MLXIP: variants seen among roughly 807,000 people sequenced by gnomAD.
MLXIP encodes the protein MLX interacting protein, also known as MLX-interacting protein.
Under a neutral mutation model 87.2 loss-of-function variants are expected in MLXIP, and 30 were observed. The ratio of observed to expected loss-of-function variants is 0.34; its 90% confidence interval spans 0.26 to 0.47. MLXIP has a LOEUF of 0.47. Among genes scored for constraint, MLXIP ranks in the 20% least tolerant of loss-of-function variants. The probability of loss-of-function intolerance (pLI) is 1.00; values close to 1 mark genes in which losing one functional copy is unlikely to be tolerated. For missense variants in MLXIP, 1,002 were observed against 1,240.1 expected, an observed-to-expected ratio of 0.81 and a Z score of 2.88; for synonymous variants, 530 against 514.0, an observed-to-expected ratio of 1.03 and a Z score of -0.42.
At chr12:122,110,661 C>T (rs891899885) in intron 1 of MLXIP, among the ~76,000 whole-genome samples, 2 of 151,716 alleles carry the variant, frequency 1.3e-5, no homozygotes, top group Non-Finnish European at 2.9e-5. Flanking sequence ...GTCCCAAATT[C>T]TTGGGAGGCT....
intron 1 of MLXIP, among the ~76,000 whole-genome samples, chr12:122,104,521 G>GTA (rs1952489924): frequency 6.7e-6 from 1 of 148,266 alleles, no homozygotes; most frequent in South Asian, 2.1e-4. Context: ...GTTGGTAGAT[G>GTA]TATTTGATTT....
chr12:122,090,710 T>C (rs1449273543), intron 1 of MLXIP, among the ~76,000 whole-genome samples: 1 of 152,190 alleles, frequency 6.6e-6, no homozygotes, highest in Non-Finnish European at 1.5e-5. Flanking sequence ...GGCTTTATCA[T>C]GAGCAAGTAA....
At chr12:122,093,503 CTG>C (rs1395899960) in intron 1 of MLXIP, among the ~76,000 whole-genome samples, 35 of 100,580 alleles carry the variant, frequency 3.5e-4, no homozygotes, top group African/African-American at 4.8e-4. Flanking sequence ...TGTGCGGTGT[CTG>C]TGTTGGTGTG....
chr12:122,134,155 C>A, intron 9 of MLXIP, 168 bp downstream of exon 9: 2 of 841,112 alleles, frequency 2.4e-6, no homozygotes. Flanking sequence ...TAATACATGG[C>A]CATGATCTAG....
chr12:122,135,114 TC>T lies in MLXIP; in HGVS notation c.1733-106del. 5.0e-6 allele frequency: 7 copies of T among 1,386,568 alleles called. No individual in the cohort carries two copies. The highest frequency in any genetic ancestry group is 7.0e-6 in the Non-Finnish European group (7 of 1,000,504). The allele number at this position is 1,386,568 out of a possible 1,614,324, so 85.9% of individuals were successfully genotyped here. ...GTGCCTTGGTGGCTTTGTCTTCCTG[TC>T]CCCTGGGGTTGAGAACAAGCTGTCT... On this transcript the variant is annotated intron_variant, in intron 9 of 16. Coordinates refer to ENST00000319080, the MANE Select transcript of MLXIP (RefSeq NM_014938.6). This position sits in a 1 kb window ranked among gnomAD's most constrained non-coding sequence, Gnocchi z 5.3.
At chr12:122,093,355 GGT>G (rs1164810464) in intron 1 of MLXIP, among the ~76,000 whole-genome samples, 3 of 140,466 alleles carry the variant, frequency 2.1e-5, no homozygotes, top group East Asian at 2.3e-4. Flanking sequence ...TGTGTGTGTT[GGT>G]GTGTGGTGTG....
chr12:122,142,276 C>T lies in MLXIP; in HGVS notation c.*464C>T, dbSNP rs541934121. The T allele has an allele frequency of 3.5e-4, 242 of 692,446 alleles. No homozygotes were observed. The highest frequency in any genetic ancestry group is 5.0e-4 in the Non-Finnish European group (190 of 378,868). 42.9% of individuals were successfully genotyped at this position (692,446 alleles called of 1,614,324 possible). On this transcript the variant is annotated 3_prime_UTR_variant, in exon 17 of 17. Coordinates refer to ENST00000319080, the MANE Select transcript of MLXIP (RefSeq NM_014938.6). ...GCCCTGCTCCACTCTCTGGTCTGCC[C>T]GTGGGGCAGTTGGAAGGCGTCTTTC...
At chr12:122,122,864 T>TC (rs1405435775) in intron 1 of MLXIP, among the ~76,000 whole-genome samples, 1 of 150,922 alleles carries the variant, frequency 6.6e-6, no homozygotes, top group Non-Finnish European at 1.5e-5. Context: ...CTTTTTCTTT[T>TC]TTTTTTTTTA....
intron 4 of MLXIP, 95 bp from the exon 5 acceptor site, chr12:122,129,493 C>A (rs764698100): frequency 9.1e-6 from 13 of 1,425,364 alleles, no homozygotes; most frequent in Non-Finnish European, 1.3e-5. Flanking sequence ...TGAGCAGGAC[C>A]CCTACCTGCC....
chr12:122,089,009 C>CAAAAA (rs1177216284), intron 1 of MLXIP, among the ~76,000 whole-genome samples: 3 of 47,826 alleles, frequency 6.3e-5, no homozygotes, highest in Non-Finnish European at 1.0e-4. Flanking sequence ...CCCATCTCTA[C>CAAAAA]AAAAAAAAAA....
At chr12:122,107,335 G>A (rs557540288) in intron 1 of MLXIP, among the ~76,000 whole-genome samples, 1 of 152,146 alleles carries the variant, frequency 6.6e-6, no homozygotes, top group East Asian at 1.9e-4. Context: ...TTTCCTGGAT[G>A]TACCTAATCT....
intron 3 of MLXIP, 116 bp downstream of exon 3, chr12:122,128,084 C>A: frequency 1.1e-6 from 1 of 889,828 alleles, no homozygotes; most frequent in Non-Finnish European, 1.8e-6. Flanking sequence ...GCAGCGCCTG[C>A]CCTGCGCCAT....
intron 7 of MLXIP, among the ~76,000 whole-genome samples, chr12:122,131,986 C>T (rs928958285): frequency 3.8e-5 from 5 of 131,000 alleles, no homozygotes; most frequent in Non-Finnish European, 6.1e-5. Flanking sequence ...TGCAGTGGTG[C>T]GATCTTAGCT....
chr12:122,097,852 T>C (rs373281699), intron 1 of MLXIP, among the ~76,000 whole-genome samples: 75,712 of 150,650 alleles, frequency 0.5, 19,502 homozygotes, highest in Middle Eastern at 0.64. Flanking sequence ...GGGTTCCCCC[T>C]CCCCACAAGA....
chr12:122,079,727 G>T (rs1038931032), intron 1 of MLXIP, among the ~76,000 whole-genome samples: 5 of 152,232 alleles, frequency 3.3e-5, no homozygotes, highest in African/African-American at 4.8e-5. Context: ...CTTTATAAAA[G>T]GGGAATGACT....
intron 1 of MLXIP, among the ~76,000 whole-genome samples, chr12:122,101,785 TAGTC>T (rs1359853345): frequency 4.6e-5 from 7 of 152,080 alleles, no homozygotes; most frequent in African/African-American, 1.7e-4. Flanking sequence ...TTCACCATGT[TAGTC>T]AGGCTGGTCT....
chr12:122,137,469 G>A lies in MLXIP; in HGVS notation c.2033G>A (p.Ser678Asn), dbSNP rs1454603557. The A allele has an allele frequency of 3.1e-6, 5 of 1,613,454 alleles. No individual in the cohort carries two copies. The East Asian group carries it at 8.9e-5, about 29-fold the overall frequency. ...CCTCAGAGGAGTCTGTTCTTACCAG[G>A]TCGGGACTGCCCAAACTCAGGGCAG... ...GSPQVTVTGP[S>N]RDCPNSGQAS... is the part of the protein sequence containing the mutation. The change falls in exon 12 of 17, where the codon AGT (serine) becomes AAT (asparagine). Residue 678 changes from serine (S) to asparagine (N), a missense_variant and splice_region_variant. Physicochemically the swap from Ser to Asn is conservative, Grantham distance 46. Coordinates refer to ENST00000319080, the MANE Select transcript of MLXIP (RefSeq NM_014938.6). The surrounding 1 kb of genome is among the most constrained non-coding windows in gnomAD (Gnocchi z 4.1).
At chr12:122,082,716 G>A (rs774135866) in intron 1 of MLXIP, among the ~76,000 whole-genome samples, 3 of 152,190 alleles carry the variant, frequency 2.0e-5, no homozygotes, top group South Asian at 4.1e-4. Context: ...TGATTTGGCC[G>A]GGTGCTTTCT....
chr12:122,146,735 G>A lies in MLXIP; in HGVS notation c.*4923G>A, dbSNP rs1302624138. On this transcript the variant is annotated 3_prime_UTR_variant, in exon 17 of 17. Coordinates refer to ENST00000319080, the MANE Select transcript of MLXIP (RefSeq NM_014938.6). ...TTTACCTCCATGCCCCAGTCACACT[G>A]TTGGTTCTGCGCTCTGAACCTGGGT... is the stretch of plus-strand genomic sequence containing the variant. 2 of 151,482 alleles carry A rather than the reference G, an allele frequency of 1.3e-5. No homozygotes were observed. The highest frequency in any genetic ancestry group is 1.3e-4 in the Admixed American group (2 of 15,250). 9.4% of individuals were successfully genotyped at this position (151,482 alleles called of 1,614,324 possible).
Sources: gnomAD v4.1 joint callset for allele counts (sites outside exome capture counted in the v4.1 genomes callset) on GRCh38, gnomAD v4.1.1 for gene constraint, Gnocchi (gnomAD v3.1) non-coding constraint, MANE v1.5 for transcripts, NCBI Gene and HGNC (gene_info 2026-07-23, HGNC 2026-07-21) for gene names.